The following FAM184A variants were observed in gnomAD, a reference collection of about 807,000 sequenced individuals.
FAM184A encodes the protein protein FAM184A.
A neutral mutation model predicts 143.8 loss-of-function variants in FAM184A; 99 were observed. The observed-to-expected ratio is 0.69, with a 90% CI of 0.58 to 0.81. The LOEUF (loss-of-function observed/expected upper bound fraction) is 0.81, where lower values mean the gene tolerates loss of function less well. Among genes scored for constraint, FAM184A ranks in the 40% least tolerant of loss-of-function variants. The pLI, the probability that FAM184A is intolerant of heterozygous loss-of-function variation, is 0.00. For missense variants in FAM184A, 1,217 were observed against 1,310.5 expected (o/e 0.93, Z 1.10); for synonymous variants, 427 against 446.4 (o/e 0.96, Z 0.55).
chr6:119,005,617 G>A (rs1562469716), intron 7 of FAM184A: 1 of 154,300 alleles, frequency 6.5e-6, no homozygotes, highest in Non-Finnish European at 1.4e-5. Flanking sequence ...CTCCTTCATT[G>A]TGCAGATGTG....
chr6:119,009,791 C>T (rs1445822489), intron 6 of FAM184A, among the ~76,000 whole-genome samples: 2 of 152,176 alleles, frequency 1.3e-5, no homozygotes, highest in African/African-American at 4.8e-5. Context: ...GGGACCATGT[C>T]TGACTGACTT....
chr6:118,996,730 T>G (rs1279604370), intron 9 of FAM184A, among the ~76,000 whole-genome samples: 1 of 152,054 alleles, frequency 6.6e-6, no homozygotes, highest in African/African-American at 2.4e-5. Context: ...AGATTTTATT[T>G]TTGAGACAGA....
At chr6:119,111,597 T>C (rs1416535385) in intron 1 of FAM184A, among the ~76,000 whole-genome samples, 1 of 152,264 alleles carries the variant, frequency 6.6e-6, no homozygotes, top group Non-Finnish European at 1.5e-5. Flanking sequence ...TATTCCAGTT[T>C]ATGTTACCAT....
chr6:119,089,422 C>G (rs1316062258), intron 1 of FAM184A, among the ~76,000 whole-genome samples: 2 of 151,872 alleles, frequency 1.3e-5, no homozygotes, highest in Admixed American at 6.6e-5. Context: ...AAACTCCTGA[C>G]GTCAAATGAT....
At chr6:119,061,525 A>ATTTTTTTTTT (rs1476201793) in intron 1 of FAM184A, among the ~76,000 whole-genome samples, 1 of 51,574 alleles carries the variant, frequency 1.9e-5, no homozygotes, top group Non-Finnish European at 3.8e-5. Context: ...CTGGCTAATT[A>ATTTTTTTTTT]TTTTTCTTTT....
intron 1 of FAM184A, among the ~76,000 whole-genome samples, chr6:119,084,790 G>A (rs935575413): frequency 6.6e-6 from 1 of 152,196 alleles, no homozygotes; most frequent in East Asian, 1.9e-4. Flanking sequence ...TGAAATCTAG[G>A]CAGTGGCTCC....
intron 11 of FAM184A, among the ~76,000 whole-genome samples, chr6:118,977,219 A>C (rs1257136022): frequency 6.6e-6 from 1 of 152,172 alleles, no homozygotes; most frequent in East Asian, 1.9e-4. Context: ...AAAGAAACAA[A>C]CTGTTGATAC....
intron 1 of FAM184A, among the ~76,000 whole-genome samples, chr6:119,058,168 C>T (rs1166781684): frequency 6.8e-6 from 1 of 147,166 alleles, no homozygotes; most frequent in Non-Finnish European, 1.5e-5. Flanking sequence ...TCCAATTCTC[C>T]TTCTCTCTTT....
At chr6:119,086,553 A>C (rs1296736567) in intron 1 of FAM184A, among the ~76,000 whole-genome samples, 1 of 152,226 alleles carries the variant, frequency 6.6e-6, no homozygotes, top group Non-Finnish European at 1.5e-5. Context: ...CATGGAGATT[A>C]GATGAGAGCA....
chr6:119,070,244 G>A (rs534029158), intron 1 of FAM184A, among the ~76,000 whole-genome samples: 42 of 152,120 alleles, frequency 2.8e-4, no homozygotes, highest in Non-Finnish European at 4.9e-4. Flanking sequence ...TGAAGTTTTG[G>A]TAGAAAAGAA....
chr6:119,005,947 G>T, intron 7 of FAM184A: 1 of 565,986 alleles, frequency 1.8e-6, no homozygotes, highest in Non-Finnish European at 3.3e-6. Context: ...AATTGTTATC[G>T]GTTGAACTGG....
At chr6:119,038,126 T>G (rs2114721638) in intron 1 of FAM184A, among the ~76,000 whole-genome samples, 1 of 152,204 alleles carries the variant, frequency 6.6e-6, no homozygotes, top group South Asian at 2.1e-4. Context: ...GTTTTCTAGT[T>G]TGCAAAGGGC....
At chr6:119,146,395 T>TA (rs1303973874) in intron 1 of FAM184A, among the ~76,000 whole-genome samples, 2 of 122,474 alleles carry the variant, frequency 1.6e-5, no homozygotes, top group South Asian at 5.4e-4. Flanking sequence ...CCGATTAACT[T>TA]ACGTGTGTGT....
At chr6:118,992,159 C>T (rs933005903) in intron 9 of FAM184A, among the ~76,000 whole-genome samples, 2 of 152,052 alleles carry the variant, frequency 1.3e-5, no homozygotes, top group African/African-American at 4.8e-5. Context: ...TTGATGAGGA[C>T]AGACAGGAGA....
intron 1 of FAM184A, 147 bp from the exon 2 acceptor site, chr6:119,024,960 G>GT (rs538780336): frequency 1.3e-6 from 1 of 768,254 alleles, no homozygotes; most frequent in African/African-American, 1.7e-5. Context: ...TGATGCAATT[G>GT]TTTTTTTACT....
At chr6:118,989,462 T>C (rs899231389) in intron 9 of FAM184A, among the ~76,000 whole-genome samples, 1 of 152,132 alleles carries the variant, frequency 6.6e-6, no homozygotes, top group African/African-American at 2.4e-5. Flanking sequence ...AATTTTCTTT[T>C]GTTTCCATTT....
At chr6:118,973,023 C>T (rs1005384314) in intron 14 of FAM184A, among the ~76,000 whole-genome samples, 1 of 152,194 alleles carries the variant, frequency 6.6e-6, no homozygotes, top group Non-Finnish European at 1.5e-5. Flanking sequence ...GGAAGTAACA[C>T]AAGTTTCCTC....
chr6:118,960,691 G>T, intron 17 of FAM184A: 1 of 590,948 alleles, frequency 1.7e-6, no homozygotes, highest in South Asian at 1.8e-5. Flanking sequence ...CCCCGTTATT[G>T]ATGTTATATA....
chr6:119,068,603 TACTG>T (rs1175254759), intron 1 of FAM184A, among the ~76,000 whole-genome samples: 14 of 152,182 alleles, frequency 9.2e-5, no homozygotes, highest in Non-Finnish European at 2.1e-4. Context: ...ATGCCTAACT[TACTG>T]AACCACACCT....
Sources: allele counts gnomAD v4.1 joint callset (sites outside exome capture counted in the v4.1 genomes callset), GRCh38; gene constraint gnomAD v4.1.1; transcripts MANE v1.5; gene names NCBI Gene and HGNC (gene_info 2026-07-23, HGNC 2026-07-21).